The following ROBO2 variants were observed in gnomAD, a reference collection of about 807,000 sequenced individuals.
ROBO2 encodes roundabout guidance receptor 2.
A neutral mutation model predicts 160.8 loss-of-function variants in ROBO2; 53 were observed. The ratio of observed to expected loss-of-function variants is 0.33; its 90% CI spans 0.26 to 0.41. The LOEUF is 0.41. ROBO2 is among the 10% of genes least tolerant of loss of function. The probability of loss-of-function intolerance (pLI) is 1.00; values close to 1 mark genes in which losing one functional copy is unlikely to be tolerated. For synonymous variants in ROBO2, 664 were observed against 611.7 expected (o/e 1.09, Z -1.26); for missense variants, 1,577 against 1,722.4 (o/e 0.92, Z 1.49).
intron 4 of ROBO2, among the ~76,000 whole-genome samples, chr3:77,485,760 T>C (rs1312204386): frequency 5.3e-5 from 8 of 152,200 alleles, no homozygotes; most frequent in Admixed American, 2.0e-4. Flanking sequence ...TTTTTGTAAT[T>C]TGAATTTTGT....
At chr3:76,665,014 G>A (rs746090278) in intron 2 of ROBO2, among the ~76,000 whole-genome samples, 9 of 152,130 alleles carry the variant, frequency 5.9e-5, no homozygotes, top group Non-Finnish European at 1.3e-4. Flanking sequence ...GAGATTTGTG[G>A]TTGAGTTTGT....
intron 2 of ROBO2, among the ~76,000 whole-genome samples, chr3:76,213,417 C>T (rs1200594815): frequency 6.6e-6 from 1 of 151,904 alleles, no homozygotes; most frequent in Non-Finnish European, 1.5e-5. Context: ...GATTGTTTCG[C>T]CAATACTAGA....
At chr3:76,484,942 T>G (rs1183830185) in intron 2 of ROBO2, among the ~76,000 whole-genome samples, 1 of 152,078 alleles carries the variant, frequency 6.6e-6, no homozygotes. Flanking sequence ...CCCTATTTGG[T>G]CAACTATCTG....
At chr3:76,570,969 GAA>G (rs941343356) in intron 2 of ROBO2, among the ~76,000 whole-genome samples, 11 of 151,948 alleles carry the variant, frequency 7.2e-5, no homozygotes, top group Non-Finnish European at 1.5e-4. Context: ...CAGAATACAA[GAA>G]AAAATGTTCT....
At chr3:76,898,710 C>T (rs1402547648) in intron 2 of ROBO2, among the ~76,000 whole-genome samples, 1 of 152,046 alleles carries the variant, frequency 6.6e-6, no homozygotes, top group Non-Finnish European at 1.5e-5. Flanking sequence ...ATTTTCCTTA[C>T]GTTTGAGAAC....
chr3:76,701,887 G>T lies in ROBO2; in HGVS notation c.110-396127G>T, dbSNP rs114528095. 1.0e-3 allele frequency among the ~76,000 whole-genome samples: 151 copies of T among 150,428 alleles called. 1 individual carries two copies. Among genetic ancestry groups the T allele is most frequent in the African/African-American group, 3.5e-3 (142 of 41,006 alleles). ...AACAAAGGTCACTTTTATGTTTAAA[G>T]AAGTTGTTCGGAGAACTGTATGTAT... On this transcript the variant is annotated intron_variant, in intron 2 of 26. Coordinates refer to the ROBO2 transcript ENST00000487694.
At chr3:77,075,672 C>CTTTTTTTTTTTTTTTTTTT (rs1174587812) in intron 1 of ROBO2, among the ~76,000 whole-genome samples, 6 of 87,254 alleles carry the variant, frequency 6.9e-5, no homozygotes, top group African/African-American at 9.8e-5. Flanking sequence ...TTTCTTTCTC[C>CTTTTTTTTTTTTTTTTTTT]TTTTTTTTTT....
intron 2 of ROBO2, among the ~76,000 whole-genome samples, chr3:76,036,499 T>A (rs2067113748): frequency 6.6e-6 from 1 of 150,980 alleles, no homozygotes; most frequent in Non-Finnish European, 1.5e-5. Flanking sequence ...TTGGGGCAAG[T>A]TTCTCCCTTT....
chr3:76,293,034 G>C (rs980107892), intron 2 of ROBO2, among the ~76,000 whole-genome samples: 3 of 151,636 alleles, frequency 2.0e-5, no homozygotes, highest in African/African-American at 7.3e-5. Flanking sequence ...GGCATTGTTA[G>C]GATATATAAA....
chr3:77,328,081 G>T (rs1016601104), intron 2 of ROBO2, among the ~76,000 whole-genome samples: 7 of 123,314 alleles, frequency 5.7e-5, no homozygotes, highest in Non-Finnish European at 1.2e-4. Context: ...AAAAAAAAAA[G>T]AAAAGAAAAA....
intron 2 of ROBO2, among the ~76,000 whole-genome samples, chr3:76,203,478 T>C (rs960427523): frequency 6.8e-6 from 1 of 147,496 alleles, no homozygotes; most frequent in African/African-American, 2.5e-5. Flanking sequence ...GTTTCCCTGG[T>C]CAACAGATCA....
intron 2 of ROBO2, among the ~76,000 whole-genome samples, chr3:76,929,079 G>A (rs543488851): frequency 2.2e-4 from 33 of 152,188 alleles, no homozygotes; most frequent in African/African-American, 7.9e-4. Context: ...GGCCAACATG[G>A]TGAAACCCCA....
chr3:77,427,094 T>C (rs970721513), intron 2 of ROBO2, among the ~76,000 whole-genome samples: 8 of 152,106 alleles, frequency 5.3e-5, no homozygotes, highest in African/African-American at 1.9e-4. Context: ...AGAGGGCATA[T>C]GGAATGTGCG....
At chr3:76,071,397 T>G (rs1423131327) in intron 2 of ROBO2, among the ~76,000 whole-genome samples, 1 of 152,180 alleles carries the variant, frequency 6.6e-6, no homozygotes, top group African/African-American at 2.4e-5. Context: ...TAAAAGCTAT[T>G]ATCTCATCAG....
At chr3:77,437,207 G>A (rs1323575559) in intron 2 of ROBO2, among the ~76,000 whole-genome samples, 1 of 151,884 alleles carries the variant, frequency 6.6e-6, no homozygotes, top group Admixed American at 6.6e-5. Flanking sequence ...CACTTGGCCT[G>A]CCAGCATGAA....
intron 2 of ROBO2, among the ~76,000 whole-genome samples, chr3:76,168,046 C>T (rs1472231523): frequency 6.6e-6 from 1 of 152,192 alleles, no homozygotes; most frequent in Non-Finnish European, 1.5e-5. Flanking sequence ...TGGACTAACT[C>T]ATGCTGTTAT....
At chr3:77,493,521 A>G in intron 5 of ROBO2, 139 bp downstream of exon 5, 1 of 893,806 alleles carries the variant, frequency 1.1e-6, no homozygotes, top group Non-Finnish European at 1.8e-6. Context: ...TATGCAAGCC[A>G]CATATTTACT....
intron 1 of ROBO2, among the ~76,000 whole-genome samples, chr3:75,927,093 AG>A (rs1289864819): frequency 6.6e-6 from 1 of 152,222 alleles, no homozygotes; most frequent in Non-Finnish European, 1.5e-5. Context: ...GATAGATAAA[AG>A]GGAGATCATC....
intron 2 of ROBO2, among the ~76,000 whole-genome samples, chr3:76,688,250 A>C (rs1249435660): frequency 2.0e-5 from 3 of 152,186 alleles, no homozygotes; most frequent in Middle Eastern, 3.4e-3. Context: ...AGAAAACCGC[A>C]AAATGATCAT....
Sources: gnomAD v4.1 joint callset for allele counts (sites outside exome capture counted in the v4.1 genomes callset) on GRCh38, gnomAD v4.1.1 for gene constraint, MANE v1.5 for transcripts, NCBI Gene and HGNC (gene_info 2026-07-23, HGNC 2026-07-21) for gene names.